Variants in TAF2 observed in about 807,000 individuals in gnomAD.
TAF2 encodes the protein transcription initiation factor TFIID subunit 2.
TAF2 carries 61 observed loss-of-function variants against 138.5 expected under a neutral mutation model. That is an observed-to-expected ratio of 0.44 (90% CI 0.36 to 0.54). The LOEUF is 0.54. Among genes scored for constraint, TAF2 ranks in the 20% least tolerant of loss-of-function variants. TAF2 has a pLI of 0.00. For missense variants in TAF2, 1,090 were observed against 1,427.9 expected (o/e 0.76, Z 3.81); for synonymous variants, 475 against 469.9 (o/e 1.01, Z -0.14).
intron 2 of TAF2, among the ~76,000 whole-genome samples, chr8:119,829,175 G>T (rs965366896): frequency 2.0e-5 from 3 of 152,100 alleles, no homozygotes; most frequent in African/African-American, 7.2e-5. Context: ...AATACCCTAC[G>T]AGTTGCATTA....
chr8:119,782,042 G>A (rs1379823233), intron 16 of TAF2, among the ~76,000 whole-genome samples: 1 of 152,132 alleles, frequency 6.6e-6, no homozygotes, highest in African/African-American at 2.4e-5. Flanking sequence ...TTTCTAAATG[G>A]CAGTATTAAG....
chr8:119,831,583 G>C lies in TAF2; in HGVS notation c.138+94C>G, dbSNP rs1445999357. 3 of 880,948 alleles carry C rather than the reference G, an allele frequency of 3.4e-6. No individual in the cohort carries two copies. The East Asian group carries it at 7.7e-5, about 23-fold the overall frequency. 54.6% of individuals were successfully genotyped at this position (880,948 alleles called of 1,614,324 possible). A position where few individuals can be genotyped will look rare whatever the true frequency, so the allele number is the denominator to read the frequency against. On this transcript the variant is annotated intron_variant, in intron 2 of 25. Transcript: ENST00000378164. ...ACCTATTCTTGAAACACAATTATCT[G>C]GAAGACTACAAACTTTCTAAGTACT...
chr8:119,749,421 T>C lies in TAF2; in HGVS notation c.2879-2487A>G, dbSNP rs146604587. On this transcript the variant is annotated intron_variant, in intron 22 of 25. Coordinates refer to ENST00000378164, the MANE Select transcript of TAF2 (RefSeq NM_003184.4). ...AAGGGAGCTAAAAAATGAATAACAG[T>C]ACTTTTGTTAAAAGTACAAAAGAGA... Among the ~76,000 whole-genome samples the C allele has an allele frequency of 1.6e-3, 246 of 152,272 alleles. 1 individual carries two copies. Among genetic ancestry groups the C allele is most frequent in the African/African-American group, 5.6e-3 (233 of 41,550 alleles).
chr8:119,743,899 A>G (rs992065896), intron 24 of TAF2, among the ~76,000 whole-genome samples: 1 of 152,154 alleles, frequency 6.6e-6, no homozygotes, highest in Non-Finnish European at 1.5e-5. Flanking sequence ...GACTGACATA[A>G]TATTATATGA....
Position 119,813,237 on chromosome 8 carries a change from A to G in TAF2, c.299+6109T>C, listed in dbSNP as rs181594377. Among the ~76,000 whole-genome samples, 247 of 152,216 alleles carry G rather than the reference A, an allele frequency of 1.6e-3. 1 individual carries two copies. The highest frequency in any genetic ancestry group is 5.6e-3 in the African/African-American group (233 of 41,538). ...TTCTTTATATGTGTTGACTATTTGT[A>G]TATCTTCTTTTAACAAATGCCTATT... On this transcript the variant is annotated intron_variant, in intron 3 of 25. Transcript: ENST00000378164.
intron 22 of TAF2, among the ~76,000 whole-genome samples, chr8:119,755,587 C>T (rs1218074162): frequency 6.6e-6 from 1 of 152,072 alleles, no homozygotes; most frequent in Non-Finnish European, 1.5e-5. Flanking sequence ...TGAAAAAATA[C>T]AGTCTGTATG....
intron 3 of TAF2, among the ~76,000 whole-genome samples, chr8:119,809,917 G>C (rs1824920267): frequency 6.8e-6 from 1 of 147,264 alleles, no homozygotes; most frequent in Non-Finnish European, 1.5e-5. Flanking sequence ...GTGACATAGA[G>C]ACATGAAATG....
intron 2 of TAF2, among the ~76,000 whole-genome samples, chr8:119,826,033 T>C (rs1443085262): frequency 6.6e-6 from 1 of 151,912 alleles, no homozygotes; most frequent in African/African-American, 2.4e-5. Context: ...ATACCACATG[T>C]TCTCACTCAT....
chr8:119,786,170 A>G (rs1822998515), intron 14 of TAF2, among the ~76,000 whole-genome samples: 1 of 152,178 alleles, frequency 6.6e-6, no homozygotes, highest in Non-Finnish European at 1.5e-5. Context: ...AATACATACT[A>G]ATTGTTGTGT....
chr8:119,826,273 A>C (rs1037821320), intron 2 of TAF2, among the ~76,000 whole-genome samples: 1 of 151,546 alleles, frequency 6.6e-6, no homozygotes, highest in African/African-American at 2.4e-5. Context: ...AAAAAAAAAA[A>C]ACAAGAAACA....
chr8:119,758,030 T>C (rs1397410304), intron 21 of TAF2, 43 bp downstream of exon 21: 18 of 1,511,140 alleles, frequency 1.2e-5, no homozygotes, highest in South Asian at 4.5e-5. Context: ...CAGTTCACTA[T>C]AGGACTTACA....
rs182914087 is a variant in TAF2, at chr8:119,800,426, T to C, written c.792+1368A>G. On this transcript the variant is annotated intron_variant, in intron 6 of 25. Transcript: ENST00000378164. Reference sequence around the variant, plus strand: ...ATCCTTTCCCCATTTCTTGTTTTTATCAGGTTTGTCAAAGATCAGATGGTT... The same window carrying C: ...ATCCTTTCCCCATTTCTTGTTTTTACCAGGTTTGTCAAAGATCAGATGGTT... 9.0e-3 allele frequency among the ~76,000 whole-genome samples: 1,369 copies of C among 152,298 alleles called. 20 individuals carry two copies. The highest frequency in any genetic ancestry group is 0.031 in the African/African-American group (1,305 of 41,536).
chr8:119,747,889 C>CG (rs1298602308), intron 22 of TAF2, among the ~76,000 whole-genome samples: 1 of 152,090 alleles, frequency 6.6e-6, no homozygotes, highest in Non-Finnish European at 1.5e-5. Context: ...TCTGGGAGGC[C>CG]GGGGTGGGCA....
At chr8:119,762,338 C>A (rs1821120007) in intron 19 of TAF2, 77 bp downstream of exon 19, 1 of 1,422,442 alleles carries the variant, frequency 7.0e-7, no homozygotes, top group South Asian at 1.3e-5. Context: ...CTATATTTCC[C>A]AATTTTCTAT....
At chr8:119,734,907 CAAAG>C (rs1242759562) in intron 25 of TAF2, among the ~76,000 whole-genome samples, 3 of 152,166 alleles carry the variant, frequency 2.0e-5, no homozygotes, top group African/African-American at 7.2e-5. Flanking sequence ...AATAAGGAAA[CAAAG>C]AACATCTTAG....
At chr8:119,758,514 G>A (rs965187676) in intron 20 of TAF2, among the ~76,000 whole-genome samples, 3 of 152,090 alleles carry the variant, frequency 2.0e-5, no homozygotes, top group Admixed American at 1.3e-4. Context: ...TGATGGAGAG[G>A]TTTGACACTC....
chr8:119,766,445 T>C (rs1190336716), intron 18 of TAF2, among the ~76,000 whole-genome samples: 1 of 152,120 alleles, frequency 6.6e-6, no homozygotes, highest in Non-Finnish European at 1.5e-5. Context: ...GTATGAATAT[T>C]TTACATCATA....
chr8:119,795,704 G>C, intron 8 of TAF2, 73 bp from the exon 9 acceptor site: 1 of 1,324,506 alleles, frequency 7.5e-7, no homozygotes, highest in Non-Finnish European at 1.1e-6. Context: ...GAGGATAACG[G>C]AATAAGTGTA....
At chr8:119,742,741 T>C (rs1819686186) in intron 24 of TAF2, 85 bp from the exon 25 acceptor site, 5 of 1,537,642 alleles carry the variant, frequency 3.3e-6, no homozygotes, top group Non-Finnish European at 4.4e-6. Flanking sequence ...TTTTATAAGC[T>C]AGCCTTAAAG....
Sources: allele counts gnomAD v4.1 joint callset (sites outside exome capture counted in the v4.1 genomes callset), GRCh38; gene constraint gnomAD v4.1.1; transcripts MANE v1.5; gene names NCBI Gene and HGNC (gene_info 2026-07-23, HGNC 2026-07-21).